SEM1: variants seen among roughly 807,000 people sequenced by gnomAD.
SEM1 encodes 26S proteasome complex subunit SEM1.
A neutral mutation model predicts 12.7 loss-of-function variants in SEM1; 3 were observed. The ratio of observed to expected loss-of-function variants is 0.24; its 90% CI spans 0.11 to 0.61. The LOEUF (loss-of-function observed/expected upper bound fraction) is 0.61, where lower values mean the gene tolerates loss of function less well. Ranked by LOEUF, SEM1 falls within the 20% of genes least tolerant of loss-of-function variation. The pLI, the probability that SEM1 is intolerant of heterozygous loss-of-function variation, is 0.88. For synonymous variants in SEM1, 30 were observed against 27.8 expected, an observed-to-expected ratio of 1.08 and a Z score of -0.25; for missense variants, 59 against 81.3, an observed-to-expected ratio of 0.73 and a Z score of 1.06.
downstream of SEM1, among the ~76,000 whole-genome samples, chr7:96,670,436 A>G (rs1189601771): frequency 6.6e-6 from 1 of 152,128 alleles, no homozygotes; most frequent in Non-Finnish European, 1.5e-5. Flanking sequence ...AATCAAACTG[A>G]CCTGTTGATA....
At chr7:96,704,159 AAGT>A (rs771930219) in intron 1 of SEM1, among the ~76,000 whole-genome samples, 2 of 152,142 alleles carry the variant, frequency 1.3e-5, no homozygotes, top group Non-Finnish European at 2.9e-5. Context: ...AATAAAAATC[AAGT>A]AGGAGGAAAT....
chr7:96,525,743 C>G (rs542917676), intron 2 of SEM1, among the ~76,000 whole-genome samples: 1 of 152,170 alleles, frequency 6.6e-6, no homozygotes, highest in Non-Finnish European at 1.5e-5. Context: ...ACTGCCTGAG[C>G]TCTACCTCCT....
intron 2 of SEM1, among the ~76,000 whole-genome samples, chr7:96,675,373 T>C (rs1230076510): frequency 6.6e-6 from 1 of 152,180 alleles, no homozygotes; most frequent in Non-Finnish European, 1.5e-5. Context: ...GAAAAGGACA[T>C]GCACTAAAAC....
intron 2 of SEM1, among the ~76,000 whole-genome samples, chr7:96,588,349 AACAAACACAC>A (rs1806712363): frequency 2.7e-5 from 2 of 72,800 alleles, no homozygotes; most frequent in African/African-American, 9.9e-5. Flanking sequence ...CATGTCTAAA[AACAAACACAC>A]ACACACACAC....
intron 2 of SEM1, among the ~76,000 whole-genome samples, chr7:96,614,731 C>G (rs940664151): frequency 1.3e-5 from 2 of 152,200 alleles, no homozygotes; most frequent in African/African-American, 4.8e-5. Context: ...CACATGCTAC[C>G]TAGTGCATAT....
chr7:96,511,521 C>A (rs1221830273), intron 2 of SEM1, among the ~76,000 whole-genome samples: 1 of 151,978 alleles, frequency 6.6e-6, no homozygotes, highest in Non-Finnish European at 1.5e-5. Flanking sequence ...CAAGGATTAG[C>A]AAACACACCT....
chr7:96,664,762 T>C (rs1015313066), intron 2 of SEM1, among the ~76,000 whole-genome samples: 2 of 152,168 alleles, frequency 1.3e-5, no homozygotes, highest in African/African-American at 4.8e-5. Context: ...CATAGCCACA[T>C]AGTGCATAGA....
intron 1 of SEM1, among the ~76,000 whole-genome samples, chr7:96,702,947 T>C (rs944263585): frequency 2.6e-5 from 4 of 152,120 alleles, no homozygotes; most frequent in South Asian, 4.1e-4. Context: ...TCATTAAAGT[T>C]AAAGACAAAC....
intron 2 of SEM1, among the ~76,000 whole-genome samples, chr7:96,611,028 A>C (rs558791694): frequency 1.5e-4 from 23 of 152,316 alleles, no homozygotes; most frequent in African/African-American, 5.5e-4. Flanking sequence ...TCACCTAGGG[A>C]AGATTGACTC....
chr7:96,514,509 T>A (rs1804029478), intron 2 of SEM1, among the ~76,000 whole-genome samples: 1 of 120,178 alleles, frequency 8.3e-6, no homozygotes, highest in South Asian at 3.3e-4. Context: ...ATTGTCTCTG[T>A]AGAAAATCTT....
At chr7:96,643,044 C>T (rs1808663447) in intron 2 of SEM1, among the ~76,000 whole-genome samples, 3 of 152,140 alleles carry the variant, frequency 2.0e-5, no homozygotes, top group Admixed American at 6.6e-5. Flanking sequence ...ATTATTTCAT[C>T]ACCCATGGAT....
At chr7:96,624,144 C>CTATATGTTT (rs1287819689) in intron 2 of SEM1, among the ~76,000 whole-genome samples, 1 of 152,016 alleles carries the variant, frequency 6.6e-6, no homozygotes, top group Middle Eastern at 3.2e-3. Context: ...TAGGGCATGG[C>CTATATGTTT]TATATGTTTT....
At chr7:96,688,313 T>A (rs1223418910), downstream of SEM1, 2 of 152,168 alleles carry the variant, frequency 1.3e-5, no homozygotes, top group African/African-American at 4.8e-5. Context: ...CCATTCTTAC[T>A]GTGATTAAAC....
chr7:96,483,000 G>A (rs982025062), exon 4 of SEM1: 1 of 152,180 alleles, frequency 6.6e-6, no homozygotes, highest in African/African-American at 2.4e-5. Flanking sequence ...ACAGCAGAAA[G>A]TTGGGATTTT....
downstream of SEM1, among the ~76,000 whole-genome samples, chr7:96,621,434 A>G (rs939962849): frequency 6.6e-6 from 1 of 152,188 alleles, no homozygotes; most frequent in Non-Finnish European, 1.5e-5. Flanking sequence ...AAGATATAAA[A>G]AAGGATTGTA....
downstream of SEM1, chr7:96,672,423 C>T (rs999741787): frequency 6.6e-6 from 1 of 152,236 alleles, no homozygotes; most frequent in Non-Finnish European, 1.5e-5. Context: ...CCTCCAGCTT[C>T]ATCCCTGCTG....
intron 2 of SEM1, among the ~76,000 whole-genome samples, chr7:96,681,379 A>C (rs1789607363): frequency 6.6e-6 from 1 of 152,112 alleles, no homozygotes; most frequent in Admixed American, 6.6e-5. Context: ...ATTGCAGTAA[A>C]TCCTAATAAG....
chr7:96,602,008 G>A (rs781452072), intron 2 of SEM1, among the ~76,000 whole-genome samples: 1 of 152,196 alleles, frequency 6.6e-6, no homozygotes, highest in Non-Finnish European at 1.5e-5. Flanking sequence ...TCAGGGAGAT[G>A]GGGAGAGCTG....
intron 2 of SEM1, among the ~76,000 whole-genome samples, chr7:96,567,096 A>C (rs1805863696): frequency 6.6e-6 from 1 of 151,462 alleles, no homozygotes; most frequent in Admixed American, 6.6e-5. Context: ...ATTGCTCCCT[A>C]CTCTAAAAAT....
Sources: gnomAD v4.1 joint callset for allele counts (sites outside exome capture counted in the v4.1 genomes callset) on GRCh38, gnomAD v4.1.1 for gene constraint, MANE v1.5 for transcripts, NCBI Gene and HGNC (gene_info 2026-07-23, HGNC 2026-07-21) for gene names.